The following EXD1 variants were observed in gnomAD, a reference collection of about 807,000 sequenced individuals.
EXD1 encodes the protein exonuclease 3'-5' domain containing 1.
EXD1 carries 63 observed loss-of-function variants against 49.1 expected under a neutral mutation model. The observed-to-expected ratio is 1.28, with a 90% CI of 1.05 to 1.58. The LOEUF (loss-of-function observed/expected upper bound fraction) is 1.58, where lower values mean the gene tolerates loss of function less well. Among genes scored for constraint, EXD1 ranks in the 40% most tolerant of loss-of-function variants. EXD1 has a pLI of 0.00. For missense variants in EXD1, 748 were observed against 666.0 expected (o/e 1.12, Z -1.36); for synonymous variants, 234 against 239.2 (o/e 0.98, Z 0.20).
rs1198991663 is a variant in EXD1 at position 41,190,120 on chromosome 15, T to C, written c.873A>G (p.Pro291=). The C allele has an allele frequency of 1.3e-5, 21 of 1,614,020 alleles. No homozygotes were observed. Among genetic ancestry groups the C allele is most frequent in the Non-Finnish European group, 1.7e-5 (20 of 1,180,006 alleles). The change falls in exon 11 of 12, where the codon CCA becomes CCG. Residue 291 remains proline, a synonymous_variant. Transcript: ENST00000458580. ...EKRQKLIQEN[P]EVWFIRPVSP... ...AAACAGGTCGGATGAACCATACTTCTGGATTTTCCTGGAGACAATAAAACA... is the reference window on the plus strand; with the variant it reads ...AAACAGGTCGGATGAACCATACTTCCGGATTTTCCTGGAGACAATAAAACA...
chr15:41,190,328 C>T, intron 10 of EXD1, 200 bp from the exon 11 acceptor site: 1 of 499,998 alleles, frequency 2.0e-6, no homozygotes, highest in Non-Finnish European at 3.7e-6. Flanking sequence ...CAAAAATTAG[C>T]TGGGCATGGT....
rs2046482052 is a variant in EXD1, at chr15:41,190,034, G to T, written c.959C>A (p.Ala320Glu). Residue 320 changes from alanine (A) to glutamate (E), a missense_variant, in exon 11 of 12, where the codon GCA becomes GAA. Coordinates refer to ENST00000458580, the MANE Select transcript of EXD1 (RefSeq NM_001286441.2). ...EATYLLPLRLALLDEMMSDLT... is the reference protein window; with the variant it reads ...EATYLLPLRLELLDEMMSDLT... Reference sequence around the variant, plus strand: ...GTCAGACATCATCTCATCTAGGAGTGCCAAGCGAAGGGGTAACAGGTAGGT... The same window carrying T: ...GTCAGACATCATCTCATCTAGGAGTTCCAAGCGAAGGGGTAACAGGTAGGT... 6.2e-7 allele frequency: 1 copy of T among 1,614,146 alleles called. No homozygotes were observed. The highest frequency in any genetic ancestry group is 8.5e-7 in the Non-Finnish European group (1 of 1,180,032).
At chr15:41,193,060 A>C (rs2046554238) in intron 9 of EXD1, among the ~76,000 whole-genome samples, 1 of 152,026 alleles carries the variant, frequency 6.6e-6, no homozygotes, top group Admixed American at 6.6e-5. Flanking sequence ...CTGGGATTAC[A>C]AGTGTGAGCC....
chr15:41,205,454 G>T (rs562302011), intron 7 of EXD1, among the ~76,000 whole-genome samples: 2 of 152,126 alleles, frequency 1.3e-5, no homozygotes, highest in South Asian at 4.1e-4. Context: ...CATCCTTAAA[G>T]ATATGGAACA....
chr15:41,191,878 G>C (rs2046525320), intron 9 of EXD1: 1 of 237,200 alleles, frequency 4.2e-6, no homozygotes, highest in Non-Finnish European at 8.1e-6. Context: ...CCAGGTTCAA[G>C]TAATTCTCCT....
At chr15:41,229,693 G>A (rs796985835) in intron 1 of EXD1, among the ~76,000 whole-genome samples, 4 of 152,132 alleles carry the variant, frequency 2.6e-5, no homozygotes, top group African/African-American at 9.7e-5. Context: ...GCTTGAACCC[G>A]GGAGGCGGAA....
intron 6 of EXD1, among the ~76,000 whole-genome samples, chr15:41,214,146 G>T (rs1170529572): frequency 1.3e-5 from 2 of 151,692 alleles, no homozygotes; most frequent in East Asian, 1.9e-4. Context: ...CAGCCTGGGC[G>T]AAAGAGACTC....
intron 10 of EXD1, among the ~76,000 whole-genome samples, chr15:41,191,230 A>G (rs1484798642): frequency 2.0e-5 from 3 of 152,086 alleles, no homozygotes; most frequent in Non-Finnish European, 2.9e-5. Context: ...CCGGCCTAAG[A>G]CTGCTTTTTA....
At chr15:41,212,230 A>G (rs1004164157) in intron 6 of EXD1, among the ~76,000 whole-genome samples, 2 of 151,932 alleles carry the variant, frequency 1.3e-5, no homozygotes, top group African/African-American at 4.8e-5. Context: ...CGGGCAGATC[A>G]CGAGGTAAGG....
rs2047003533 is a variant in EXD1 at position 41,216,686 on chromosome 15, G to A, written c.370C>T (p.Leu124Phe). The change falls in exon 5 of 12, where the codon CTC (leucine) becomes TTC (phenylalanine). Residue 124 changes from leucine to phenylalanine, a missense_variant. Coordinates refer to ENST00000458580, the MANE Select transcript of EXD1 (RefSeq NM_001286441.2). ...TATTCACCTGATGGGCTGTACTTGA[G>A]GTCATTCAGCAGAGAGGTAGCTGGT... is the stretch of plus-strand genomic sequence containing the variant. ...EAPATSLLNDLKYSPSEEEEV... is the reference protein window; with the variant it reads ...EAPATSLLNDFKYSPSEEEEV... 1 of 1,613,136 alleles carries A rather than the reference G, an allele frequency of 6.2e-7. No individual in the cohort carries two copies. Among genetic ancestry groups the A allele is most frequent in the East Asian group, 2.2e-5 (1 of 44,874 alleles).
chr15:41,224,016 T>G (rs1050343664), intron 2 of EXD1, among the ~76,000 whole-genome samples: 5 of 152,076 alleles, frequency 3.3e-5, no homozygotes, highest in African/African-American at 1.2e-4. Flanking sequence ...AAGTTCTCAC[T>G]GCAACCTCCG....
chr15:41,221,154 T>C (rs56262456), intron 2 of EXD1, among the ~76,000 whole-genome samples: 24,902 of 152,220 alleles, frequency 0.16, 3,787 homozygotes, highest in African/African-American at 0.4. Flanking sequence ...ATAAGTATTT[T>C]ATTATCTCAA....
chr15:41,219,983 G>T, intron 2 of EXD1, 85 bp from the exon 3 acceptor site: 4 of 966,292 alleles, frequency 4.1e-6, no homozygotes, highest in Non-Finnish European at 5.9e-6. Flanking sequence ...AATTTCCCAA[G>T]TCTGAGTTGT....
chr15:41,188,074 TAAA>T (rs977881273), intron 11 of EXD1, among the ~76,000 whole-genome samples: 3 of 148,688 alleles, frequency 2.0e-5, no homozygotes, highest in Admixed American at 2.0e-4. Context: ...TATTCATAAG[TAAA>T]AGTGGTTTAT....
Position 41,216,695 on chromosome 15 carries a change from G to T in EXD1, c.361C>A (p.Leu121Met), listed in dbSNP as rs1318441734. 1 of 1,613,232 alleles carries T rather than the reference G, an allele frequency of 6.2e-7. No individual in the cohort carries two copies. Among genetic ancestry groups the T allele is most frequent in the Non-Finnish European group, 8.5e-7 (1 of 1,179,998 alleles). ...PAPEAPATSL[L>M]NDLKYSPSEE... ...GATGGGCTGTACTTGAGGTCATTCA[G>T]CAGAGAGGTAGCTGGTGCTTCAGGG... Residue 121 changes from leucine to methionine, a missense_variant, in exon 5 of 12, where the codon CTG becomes ATG. Physicochemically the swap from Leu to Met is conservative, Grantham distance 15. Transcript: ENST00000458580.
chr15:41,197,402 T>C (rs1272194014), intron 7 of EXD1, among the ~76,000 whole-genome samples: 2 of 151,534 alleles, frequency 1.3e-5, no homozygotes, highest in African/African-American at 4.8e-5. Flanking sequence ...TAATTGTTTT[T>C]CTTTTTGTAT....
intron 2 of EXD1, among the ~76,000 whole-genome samples, chr15:41,222,576 T>A (rs567189117): frequency 4.6e-5 from 7 of 152,234 alleles, no homozygotes; most frequent in African/African-American, 1.7e-4. Context: ...TCAGAGAGGA[T>A]CTCACACTCC....
chr15:41,186,060 T>C (rs2046401581), intron 11 of EXD1, among the ~76,000 whole-genome samples: 1 of 152,144 alleles, frequency 6.6e-6, no homozygotes, highest in African/African-American at 2.4e-5. Context: ...AAAATAGTGG[T>C]GATAGTCACA....
intron 7 of EXD1, among the ~76,000 whole-genome samples, chr15:41,202,941 C>T (rs1158771714): frequency 6.8e-6 from 1 of 148,068 alleles, no homozygotes; most frequent in African/African-American, 2.5e-5. Flanking sequence ...AAAAAGCGAA[C>T]CCCTGATGTT....
Sources: allele counts gnomAD v4.1 joint callset (sites outside exome capture counted in the v4.1 genomes callset), GRCh38; gene constraint gnomAD v4.1.1; transcripts MANE v1.5; gene names NCBI Gene and HGNC (gene_info 2026-07-23, HGNC 2026-07-21).